HIVEP2: variants seen among roughly 807,000 people sequenced by gnomAD.
HIVEP2 encodes transcription factor HIVEP2.
In HIVEP2, 14 loss-of-function variants were observed where a neutral mutation model predicts 180.7. The observed-to-expected ratio is 0.08, with a 90% CI of 0.05 to 0.12. HIVEP2 has a LOEUF of 0.12. Ranked by LOEUF, HIVEP2 falls within the 10% of genes least tolerant of loss-of-function variation. The probability of loss-of-function intolerance (pLI) is 1.00; values close to 1 mark genes in which losing one functional copy is unlikely to be tolerated. For synonymous variants in HIVEP2, 1,184 were observed against 1,136.4 expected (o/e 1.04, Z -0.84); for missense variants, 2,579 against 3,008.5 (o/e 0.86, Z 3.34).
intron 1 of HIVEP2, among the ~76,000 whole-genome samples, chr6:142,882,934 T>C (rs890365259): frequency 3.3e-5 from 5 of 152,126 alleles, no homozygotes; most frequent in African/African-American, 9.7e-5. Context: ...TCACCTGCAC[T>C]GACCAAAGCT....
intron 1 of HIVEP2, among the ~76,000 whole-genome samples, chr6:142,859,790 C>T (rs1277475685): frequency 1.0e-4 from 12 of 119,292 alleles, no homozygotes. Context: ...GTCAAGATCA[C>T]ACCATTGCAC....
intron 9 of HIVEP2, among the ~76,000 whole-genome samples, chr6:142,756,883 T>A (rs1231338039): frequency 6.6e-6 from 1 of 152,078 alleles, no homozygotes; most frequent in East Asian, 1.9e-4. Flanking sequence ...ACAGGGGCAC[T>A]GGAGCACTTC....
chr6:142,783,895 T>C (rs1227145492), intron 2 of HIVEP2, among the ~76,000 whole-genome samples: 3 of 152,216 alleles, frequency 2.0e-5, no homozygotes, highest in Non-Finnish European at 4.4e-5. Flanking sequence ...AATTGTGTCA[T>C]TGTAGTCCAT....
At chr6:142,814,488 G>T (rs551136608) in intron 2 of HIVEP2, among the ~76,000 whole-genome samples, 23 of 152,224 alleles carry the variant, frequency 1.5e-4, no homozygotes, top group African/African-American at 5.3e-4. Flanking sequence ...AACTGAATTG[G>T]GCAGAGGTGG....
In HIVEP2 at chr6:142,752,590, G is replaced by GA. The variant is rs1206478387; in HGVS notation, c.*516dup. The GA allele has an allele frequency of 2.6e-5, 4 of 153,370 alleles. No homozygotes were observed. Among genetic ancestry groups the GA allele is most frequent in the Non-Finnish European group, 5.8e-5 (4 of 68,660 alleles). 9.5% of individuals were successfully genotyped at this position (153,370 alleles called of 1,614,324 possible). ...ATAGAAAAGCAATCCACAACATTAA[G>GA]AAAAAATGTACAATTTATGAAACAA... is the stretch of plus-strand genomic sequence containing the variant. On this transcript the variant is annotated 3_prime_UTR_variant, in exon 10 of 10. Coordinates refer to ENST00000367603, the MANE Select transcript of HIVEP2 (RefSeq NM_006734.4).
chr6:142,849,969 G>A (rs771557751), intron 1 of HIVEP2, among the ~76,000 whole-genome samples: 1 of 152,088 alleles, frequency 6.6e-6, no homozygotes, highest in Non-Finnish European at 1.5e-5. Flanking sequence ...ACCAAGTGGC[G>A]AAAAAATTAA....
At chr6:142,924,023 T>C (rs1777743008) in intron 1 of HIVEP2, among the ~76,000 whole-genome samples, 1 of 152,246 alleles carries the variant, frequency 6.6e-6, no homozygotes, top group East Asian at 1.9e-4. Flanking sequence ...TGTCTTCTTT[T>C]ATAAATCAAT....
intron 2 of HIVEP2, among the ~76,000 whole-genome samples, chr6:142,813,049 G>A (rs531454001): frequency 5.9e-5 from 9 of 152,092 alleles, no homozygotes; most frequent in African/African-American, 2.2e-4. Flanking sequence ...AAGATCAACT[G>A]AACACTGTAA....
intron 2 of HIVEP2, among the ~76,000 whole-genome samples, chr6:142,814,523 A>T (rs780190700): frequency 4.1e-4 from 62 of 152,148 alleles, no homozygotes; most frequent in Non-Finnish European, 8.2e-4. Flanking sequence ...CTGATTACAG[A>T]GATATTTAAG....
intron 1 of HIVEP2, among the ~76,000 whole-genome samples, chr6:142,910,644 A>G (rs1777378713): frequency 6.6e-6 from 1 of 152,194 alleles, no homozygotes; most frequent in Non-Finnish European, 1.5e-5. Context: ...AACAACAACA[A>G]CAACAAACCT....
In HIVEP2 at chr6:142,897,597, A is replaced by G. The variant is rs1471335945; in HGVS notation, c.-641+47502T>C. Among the ~76,000 whole-genome samples, 4 of 152,214 alleles carry G rather than the reference A, an allele frequency of 2.6e-5. 1 individual carries two copies. In the South Asian group the frequency reaches 6.2e-4, roughly 24 times the overall value. On this transcript the variant is annotated intron_variant, in intron 1 of 9. Coordinates refer to ENST00000367603, the MANE Select transcript of HIVEP2 (RefSeq NM_006734.4). ...AGTGAAATAAGTCAGACACACACAC[A>G]TGACGCAGAGCATATGATTCCATAT... is the stretch of plus-strand genomic sequence containing the variant.
intron 1 of HIVEP2, among the ~76,000 whole-genome samples, chr6:142,934,266 A>T (rs920439068): frequency 1.3e-5 from 2 of 152,202 alleles, no homozygotes; most frequent in African/African-American, 4.8e-5. Context: ...CCCAGGAGGT[A>T]GGGGAGTGCT....
At chr6:142,833,314 A>G (rs1042585187) in intron 2 of HIVEP2, among the ~76,000 whole-genome samples, 3 of 152,244 alleles carry the variant, frequency 2.0e-5, no homozygotes, top group African/African-American at 7.2e-5. Flanking sequence ...CATTACACAA[A>G]TATTAATTCA....
At chr6:142,882,140 G>C (rs1353295421) in intron 1 of HIVEP2, among the ~76,000 whole-genome samples, 1 of 152,164 alleles carries the variant, frequency 6.6e-6, no homozygotes, top group Non-Finnish European at 1.5e-5. Context: ...TTAAGCCACT[G>C]TCAATACAAT....
At chr6:142,894,233 A>T (rs146723909) in intron 1 of HIVEP2, among the ~76,000 whole-genome samples, 31 of 152,342 alleles carry the variant, frequency 2.0e-4, no homozygotes, top group Admixed American at 1.2e-3. Context: ...GATCTGCTAC[A>T]ATCTATAATA....
At chr6:142,778,456 T>C (rs1032219839) in intron 3 of HIVEP2, among the ~76,000 whole-genome samples, 5 of 152,202 alleles carry the variant, frequency 3.3e-5, no homozygotes, top group Non-Finnish European at 7.3e-5. Flanking sequence ...AAGACAAGCA[T>C]GTATGAATCC....
In HIVEP2 at chr6:142,758,932, T is replaced by C. The variant is rs193058914; in HGVS notation, c.6516+840A>G. Among the ~76,000 whole-genome samples the C allele has an allele frequency of 9.2e-5, 14 of 152,228 alleles. No individual in the cohort carries two copies. In the East Asian group the frequency reaches 2.7e-3, roughly 29 times the overall value. ...TTGATTTATAAACATGCCGAGTGTG[T>C]CATTCTCTCCTCTCCCTGGCCCTGA... On this transcript the variant is annotated intron_variant, in intron 9 of 9. Coordinates refer to ENST00000367603, the MANE Select transcript of HIVEP2 (RefSeq NM_006734.4).
intron 1 of HIVEP2, among the ~76,000 whole-genome samples, chr6:142,890,131 C>T (rs936518513): frequency 2.6e-5 from 4 of 152,136 alleles, no homozygotes; most frequent in Admixed American, 1.3e-4. Context: ...ATTGCCTGCT[C>T]TGTTAAAGAA....
At chr6:142,867,853 C>T (rs1219724453) in intron 1 of HIVEP2, among the ~76,000 whole-genome samples, 3 of 152,082 alleles carry the variant, frequency 2.0e-5, no homozygotes, top group African/African-American at 7.2e-5. Flanking sequence ...CCAATAGGAT[C>T]CCATATGAAT....
Sources: allele counts gnomAD v4.1 joint callset (sites outside exome capture counted in the v4.1 genomes callset), GRCh38; gene constraint gnomAD v4.1.1; transcripts MANE v1.5; gene names NCBI Gene and HGNC (gene_info 2026-07-23, HGNC 2026-07-21).